PEX26: variants seen among roughly 807,000 people sequenced by gnomAD.
PEX26 encodes peroxisomal biogenesis factor 26, also known as peroxisome assembly protein 26.
A neutral mutation model predicts 31.4 loss-of-function variants in PEX26; 18 were observed. The observed-to-expected ratio is 0.57, with a 90% CI of 0.40 to 0.85. PEX26 has a LOEUF of 0.85. Among genes scored for constraint, PEX26 ranks in the 40% least tolerant of loss-of-function variants. The pLI, the probability that PEX26 is intolerant of heterozygous loss-of-function variation, is 0.00. For missense variants in PEX26, 377 were observed against 383.9 expected (o/e 0.98, Z 0.15); for synonymous variants, 176 against 166.9 (o/e 1.05, Z -0.42).
rs1927377223 is a variant in PEX26 at position 18,099,001 on chromosome 22, A to G, written c.*10926A>G. 6.6e-6 allele frequency: 1 copy of G among 152,222 alleles called. No homozygotes were observed. The highest frequency in any genetic ancestry group is 2.4e-5 in the African/African-American group (1 of 41,450). 9.4% of individuals were successfully genotyped at this position (152,222 alleles called of 1,614,324 possible). ...CAACCCTTTCTCTGGGCTATCTAAAATAATCAGGTACTAGACCAAAAAATG... is the reference window on the plus strand; with the variant it reads ...CAACCCTTTCTCTGGGCTATCTAAAGTAATCAGGTACTAGACCAAAAAATG... On this transcript the variant is annotated 3_prime_UTR_variant, in exon 5 of 5. Transcript: ENST00000399744.
At chr22:18,085,345 C>T in intron 4 of PEX26, 87 bp downstream of exon 4, 1 of 1,377,232 alleles carries the variant, frequency 7.3e-7, no homozygotes, top group Non-Finnish European at 1.0e-6. Flanking sequence ...TGTCAGAGTC[C>T]TACTGGGGAG....
In PEX26 at chr22:18,102,475, C is replaced by CTA. The variant is rs1221347922; in HGVS notation, c.*14400_*14401insTA. 6.5e-6 allele frequency: 1 copy of CTA among 154,734 alleles called. No homozygotes were observed. Among genetic ancestry groups the CTA allele is most frequent in the Non-Finnish European group, 1.5e-5 (1 of 68,896 alleles). The allele number at this position is 154,734 out of a possible 1,614,324, so 9.6% of individuals were successfully genotyped here. A position where few individuals can be genotyped will look rare whatever the true frequency, so the allele number is the denominator to read the frequency against. On this transcript the variant is annotated 3_prime_UTR_variant, in exon 5 of 5. Coordinates refer to ENST00000399744, the MANE Select transcript of PEX26 (RefSeq NM_001127649.3). ...GTGGGATCTAGTGCCACAGCTTGTT[C>CTA]GGGGAAGCTGGCATAGAAGATGATT...
rs361772 is a variant in PEX26, at chr22:18,103,092, C to CAAAAAAAAAAAAAAAAA, written c.*15021_*15037dup. 1 of 87,724 alleles carries CAAAAAAAAAAAAAAAAA rather than the reference C, an allele frequency of 1.1e-5. No individual in the cohort carries two copies. 5.4% of individuals were successfully genotyped at this position (87,724 alleles called of 1,614,324 possible). ...TGGGCGACAGTGTGCGACTGCATCT[C>CAAAAAAAAAAAAAAAAA]AAAAAAAAAAAAAAAAAAAAGGCAT... On this transcript the variant is annotated 3_prime_UTR_variant, in exon 5 of 5. Transcript: ENST00000399744.
Position 18,088,096 on chromosome 22 carries a change from C to A in PEX26, c.*21C>A. The stretch of plus-strand genomic sequence containing the variant: ...ACTGAGGGTCCCTGCGCACCACAGC[C>A]TCTCTGCTCCTCACGTCCGTGGCCA... On this transcript the variant is annotated 3_prime_UTR_variant, in exon 5 of 5. Transcript: ENST00000399744. This position sits in a 1 kb window ranked among gnomAD's most constrained non-coding sequence, Gnocchi z 4.1. 1 of 1,460,206 alleles carries A rather than the reference C, an allele frequency of 6.8e-7. No individual in the cohort carries two copies. The highest frequency in any genetic ancestry group is 1.1e-5 in the South Asian group (1 of 88,182). The allele number at this position is 1,460,206 out of a possible 1,614,324, so 90.5% of individuals were successfully genotyped here.
rs1052581142 is a variant in PEX26 at position 18,095,251 on chromosome 22, A to T, written c.*7176A>T. ...GTCGCCCAGCTCCCTCCAGAGAAAGAGCAGGAGGTGTTCTTCTCAGATGTA... is the reference window on the plus strand; with the variant it reads ...GTCGCCCAGCTCCCTCCAGAGAAAGTGCAGGAGGTGTTCTTCTCAGATGTA... On this transcript the variant is annotated 3_prime_UTR_variant, in exon 5 of 5. Transcript: ENST00000399744. The T allele has an allele frequency of 1.8e-4, 27 of 152,176 alleles. No homozygotes were observed. Among genetic ancestry groups the T allele is most frequent in the African/African-American group, 6.5e-4 (27 of 41,432 alleles). 9.4% of individuals were successfully genotyped at this position (152,176 alleles called of 1,614,324 possible). A position where few individuals can be genotyped will look rare whatever the true frequency, so the allele number is the denominator to read the frequency against.
At position 18,094,909 on chromosome 22, in the gene PEX26, AC is replaced by A. The variant is rs1927247604; in HGVS notation, c.*6835del. 6.6e-6 allele frequency: 1 copy of A among 151,544 alleles called. No homozygotes were observed. The highest frequency in any genetic ancestry group is 2.1e-4 in the South Asian group (1 of 4,796). 9.4% of individuals were successfully genotyped at this position (151,544 alleles called of 1,614,324 possible). A position where few individuals can be genotyped will look rare whatever the true frequency, so the allele number is the denominator to read the frequency against. ...CGAGGTAGATATTATCATTTTAGAG[AC>A]AGCAAAACAGACTCAGAGGGGCTAA... On this transcript the variant is annotated 3_prime_UTR_variant, in exon 5 of 5. Transcript: ENST00000399744.
intron 2 of PEX26, 98 bp from the exon 3 acceptor site, chr22:18,083,339 A>G (rs1926696423): frequency 8.1e-7 from 1 of 1,231,478 alleles, no homozygotes; most frequent in African/African-American, 1.5e-5. Context: ...CACAGTGAGG[A>G]GGGGCTGGAT....
chr22:18,082,139 A>G (rs1926642752), intron 2 of PEX26, among the ~76,000 whole-genome samples: 1 of 150,302 alleles, frequency 6.7e-6, no homozygotes, highest in Non-Finnish European at 1.5e-5. Flanking sequence ...ATAGTTTGCA[A>G]ATATTTTCTC....
chr22:18,098,669 T>C lies in PEX26; in HGVS notation c.*10594T>C, dbSNP rs1271340272. ...AAAGAAAAAAAAATTACCTCCCTCA[T>C]TTTCTTTATAATATTATTGTGTAAA... On this transcript the variant is annotated 3_prime_UTR_variant, in exon 5 of 5. Transcript: ENST00000399744. 2.0e-5 allele frequency: 3 copies of C among 151,972 alleles called. No individual in the cohort carries two copies. Among genetic ancestry groups the C allele is most frequent in the African/African-American group, 7.2e-5 (3 of 41,390 alleles). The allele number at this position is 151,972 out of a possible 1,614,324, so 9.4% of individuals were successfully genotyped here.
In PEX26 at chr22:18,088,197, A is replaced by C. The variant is rs753279674; in HGVS notation, c.*122A>C. On this transcript the variant is annotated 3_prime_UTR_variant, in exon 5 of 5. Coordinates refer to ENST00000399744, the MANE Select transcript of PEX26 (RefSeq NM_001127649.3). The surrounding 1 kb of genome is among the most constrained non-coding windows in gnomAD (Gnocchi z 4.1). The stretch of plus-strand genomic sequence containing the variant: ...GGACCAGCCTAATCTCGCGGAGTGC[A>C]CTGTGTCTTGCTGCCTGGGTGCCCT... 8.0e-5 allele frequency: 63 copies of C among 783,944 alleles called. No individual in the cohort carries two copies. The highest frequency in any genetic ancestry group is 1.4e-4 in the Non-Finnish European group (62 of 438,498). 48.6% of individuals were successfully genotyped at this position (783,944 alleles called of 1,614,324 possible).
Position 18,105,255 on chromosome 22 carries a change from T to C in PEX26, c.*17180T>C, listed in dbSNP as rs1239863388. The stretch of plus-strand genomic sequence containing the variant: ...GAAAGGTTTGCCCTTCCAGATCCAG[T>C]TGAGCTCTGCTCTGGAGCCAGACTC... On this transcript the variant is annotated 3_prime_UTR_variant, in exon 5 of 5. Transcript: ENST00000399744. The C allele has an allele frequency of 2.0e-5, 3 of 152,330 alleles. No individual in the cohort carries two copies. In the East Asian group the frequency reaches 5.8e-4, roughly 29 times the overall value. 9.4% of individuals were successfully genotyped at this position (152,330 alleles called of 1,614,324 possible).
In PEX26 at chr22:18,098,926, A is replaced by C. The variant is rs1477055653; in HGVS notation, c.*10851A>C. 6.6e-6 allele frequency: 1 copy of C among 152,240 alleles called. No homozygotes were observed. Among genetic ancestry groups the C allele is most frequent in the East Asian group, 1.9e-4 (1 of 5,206 alleles). The allele number at this position is 152,240 out of a possible 1,614,324, so 9.4% of individuals were successfully genotyped here. A position where few individuals can be genotyped will look rare whatever the true frequency, so the allele number is the denominator to read the frequency against. On this transcript the variant is annotated 3_prime_UTR_variant, in exon 5 of 5. Coordinates refer to ENST00000399744, the MANE Select transcript of PEX26 (RefSeq NM_001127649.3). ...CATTTAGCTGGATTAAGTTAGATTT[A>C]AATGGTCCAATAGAGAACTGTGCAT...
In PEX26 at chr22:18,078,330, C is replaced by T; in HGVS notation, c.-47C>T. On this transcript the variant is annotated 5_prime_UTR_variant, in exon 1 of 5. Transcript: ENST00000399744. ...GGATATCCCGGAGCCTCTGGGGAGGCGGTCACTCCGACGTCTGAGGACCTG... is the reference window on the plus strand; with the variant it reads ...GGATATCCCGGAGCCTCTGGGGAGGTGGTCACTCCGACGTCTGAGGACCTG... 1 of 1,370,288 alleles carries T rather than the reference C, an allele frequency of 7.3e-7. No individual in the cohort carries two copies. 84.9% of individuals were successfully genotyped at this position (1,370,288 alleles called of 1,614,324 possible). A position where few individuals can be genotyped will look rare whatever the true frequency, so the allele number is the denominator to read the frequency against.
In PEX26 at chr22:18,098,823, T is replaced by G. The variant is rs1328724074; in HGVS notation, c.*10748T>G. 5 of 151,726 alleles carry G rather than the reference T, an allele frequency of 3.3e-5. No homozygotes were observed. In the East Asian group the frequency reaches 9.7e-4, roughly 29 times the overall value. 9.4% of individuals were successfully genotyped at this position (151,726 alleles called of 1,614,324 possible). On this transcript the variant is annotated 3_prime_UTR_variant, in exon 5 of 5. Coordinates refer to ENST00000399744, the MANE Select transcript of PEX26 (RefSeq NM_001127649.3). Reference sequence around the variant, plus strand: ...ATGGAGTAATGAAAATACTATATAATAAATATAAAATGGATTAAAACTATA... The same window carrying G: ...ATGGAGTAATGAAAATACTATATAAGAAATATAAAATGGATTAAAACTATA...
rs577742336 is a variant in PEX26, at chr22:18,095,249, A to G, written c.*7174A>G. On this transcript the variant is annotated 3_prime_UTR_variant, in exon 5 of 5. Coordinates refer to ENST00000399744, the MANE Select transcript of PEX26 (RefSeq NM_001127649.3). Reference sequence around the variant, plus strand: ...TCGTCGCCCAGCTCCCTCCAGAGAAAGAGCAGGAGGTGTTCTTCTCAGATG... The same window carrying G: ...TCGTCGCCCAGCTCCCTCCAGAGAAGGAGCAGGAGGTGTTCTTCTCAGATG... The G allele has an allele frequency of 1.8e-4, 27 of 152,336 alleles. No individual in the cohort carries two copies. The highest frequency in any genetic ancestry group is 6.0e-4 in the African/African-American group (25 of 41,582). The allele number at this position is 152,336 out of a possible 1,614,324, so 9.4% of individuals were successfully genotyped here.
chr22:18,085,112 G>T lies in PEX26; in HGVS notation c.668G>T (p.Gly223Val). Residue 223 changes from glycine to valine, a missense_variant and splice_region_variant, in exon 4 of 5, where the codon GGC becomes GTC. Coordinates refer to ENST00000399744, the MANE Select transcript of PEX26 (RefSeq NM_001127649.3). Reference protein sequence around the residue: ...SEEAQKPNLEGSVSHKFLSLP... With the variant: ...SEEAQKPNLEVSVSHKFLSLP... ...AGCTGTGCTCTGTCTCCCTGGCCAGGCTCTGTCTCCCACAAGTTCCTGTCA... is the reference window on the plus strand; with the variant it reads ...AGCTGTGCTCTGTCTCCCTGGCCAGTCTCTGTCTCCCACAAGTTCCTGTCA... 1 of 1,613,914 alleles carries T rather than the reference G, an allele frequency of 6.2e-7. No homozygotes were observed. The highest frequency in any genetic ancestry group is 8.5e-7 in the Non-Finnish European group (1 of 1,179,942).
Position 18,080,067 on chromosome 22 carries a change from A to G in PEX26, c.371+53A>G, listed in dbSNP as rs1009207226. 8.2e-6 allele frequency: 13 copies of G among 1,581,096 alleles called. No individual in the cohort carries two copies. The African/African-American group carries it at 1.2e-4, about 15-fold the overall frequency. On this transcript the variant is annotated intron_variant, in intron 2 of 4. Coordinates refer to ENST00000399744, the MANE Select transcript of PEX26 (RefSeq NM_001127649.3). ...TCGGTTCAGAAACGAGAGGATTTTCATCTCCTCTCCTAAATACCTACTCTT... is the reference window on the plus strand; with the variant it reads ...TCGGTTCAGAAACGAGAGGATTTTCGTCTCCTCTCCTAAATACCTACTCTT...
intron 2 of PEX26, among the ~76,000 whole-genome samples, chr22:18,082,324 C>T: frequency 6.6e-6 from 1 of 152,198 alleles, no homozygotes; most frequent in Middle Eastern, 3.4e-3. Flanking sequence ...GTGCTTTCTT[C>T]TAGTAGTTTC....
At position 18,101,644 on chromosome 22, in the gene PEX26, G is replaced by T; in HGVS notation, c.*13569G>T. 1 of 219,870 alleles carries T rather than the reference G, an allele frequency of 4.5e-6. No homozygotes were observed. The highest frequency in any genetic ancestry group is 9.0e-6 in the Non-Finnish European group (1 of 111,490). 13.6% of individuals were successfully genotyped at this position (219,870 alleles called of 1,614,324 possible). A position where few individuals can be genotyped will look rare whatever the true frequency, so the allele number is the denominator to read the frequency against. ...GAAAAGAATGTGGCCACCTTCCAAGGCTCAGAGTAGCTGTGCAATGACTTG... is the reference window on the plus strand; with the variant it reads ...GAAAAGAATGTGGCCACCTTCCAAGTCTCAGAGTAGCTGTGCAATGACTTG... On this transcript the variant is annotated 3_prime_UTR_variant, in exon 5 of 5. Transcript: ENST00000399744.
Sources: gnomAD v4.1 joint callset for allele counts (sites outside exome capture counted in the v4.1 genomes callset) on GRCh38, gnomAD v4.1.1 for gene constraint, Gnocchi (gnomAD v3.1) non-coding constraint, MANE v1.5 for transcripts, NCBI Gene and HGNC (gene_info 2026-07-23, HGNC 2026-07-21) for gene names.